Variants in NTN1 observed in about 807,000 individuals in gnomAD.
NTN1 encodes the protein netrin 1, also known as netrin-1.
A neutral mutation model predicts 54.2 loss-of-function variants in NTN1; 11 were observed. That is an observed-to-expected ratio of 0.20 (90% CI 0.13 to 0.34). The LOEUF (loss-of-function observed/expected upper bound fraction) is 0.34. Ranked by LOEUF, NTN1 falls within the 10% of genes least tolerant of loss-of-function variation. The pLI, the probability that NTN1 is intolerant of heterozygous loss-of-function variation, is 1.00. For missense variants in NTN1, 740 were observed against 893.1 expected, an observed-to-expected ratio of 0.83 and a Z score of 2.18; for synonymous variants, 371 against 382.0, an observed-to-expected ratio of 0.97 and a Z score of 0.33.
chr17:9,065,974 C>T (rs62069326), intron 2 of NTN1, among the ~76,000 whole-genome samples: 31,791 of 151,992 alleles, frequency 0.21, 4,258 homozygotes, highest in East Asian at 0.46. Context: ...CATATGTGTC[C>T]GGAGAAAATA....
chr17:9,142,441 G>A (rs891387880), intron 2 of NTN1, among the ~76,000 whole-genome samples: 1 of 152,048 alleles, frequency 6.6e-6, no homozygotes, highest in African/African-American at 2.4e-5. Context: ...CCTTCACCAG[G>A]AGGCTCAGGC....
chr17:9,179,499 T>C (rs2092411616), intron 3 of NTN1, among the ~76,000 whole-genome samples: 1 of 152,254 alleles, frequency 6.6e-6, no homozygotes, highest in Non-Finnish European at 1.5e-5. Context: ...CTACGGGCTC[T>C]GCCTTCCCGA....
intron 2 of NTN1, among the ~76,000 whole-genome samples, chr17:9,073,241 G>A (rs138151417): frequency 1.1e-4 from 16 of 152,108 alleles, no homozygotes; most frequent in African/African-American, 3.6e-4. Flanking sequence ...TCTCCTGAGC[G>A]CCGAGACTTG....
intron 2 of NTN1, among the ~76,000 whole-genome samples, chr17:9,161,755 G>A (rs913184592): frequency 6.6e-6 from 1 of 152,214 alleles, no homozygotes; most frequent in Non-Finnish European, 1.5e-5. Context: ...TCCAGCCTGG[G>A]CGACAGAGAA....
Position 9,239,626 on chromosome 17 carries a change from G to T in NTN1, c.1487-14G>T, listed in dbSNP as rs752126867. 1.3e-6 allele frequency: 2 copies of T among 1,599,888 alleles called. No individual in the cohort carries two copies. The highest frequency in any genetic ancestry group is 4.5e-5 in the East Asian group (2 of 44,474). On this transcript the variant is annotated splice_polypyrimidine_tract_variant and intron_variant, in intron 6 of 6. Coordinates refer to ENST00000173229, the MANE Select transcript of NTN1 (RefSeq NM_004822.3). This position sits in a 1 kb window ranked among gnomAD's most constrained non-coding sequence, Gnocchi z 5.2. Reference sequence around the variant, plus strand: ...CAGCTGGGAGCCCACCCGTCTGCCTGTGCTTCCTTGCAGCCGTCCAGATCC... The same window carrying T: ...CAGCTGGGAGCCCACCCGTCTGCCTTTGCTTCCTTGCAGCCGTCCAGATCC...
intron 5 of NTN1, among the ~76,000 whole-genome samples, chr17:9,220,672 G>T (rs1031052938): frequency 3.9e-5 from 6 of 152,034 alleles, no homozygotes; most frequent in African/African-American, 1.4e-4. Flanking sequence ...AACACCAAAG[G>T]GGTTTTTTAA....
intron 5 of NTN1, among the ~76,000 whole-genome samples, chr17:9,210,842 G>A (rs1597540243): frequency 1.4e-5 from 2 of 145,402 alleles, no homozygotes; most frequent in Admixed American, 7.0e-5. Flanking sequence ...GGAGGTGGAG[G>A]TTGCAGTGAG....
intron 2 of NTN1, among the ~76,000 whole-genome samples, chr17:9,107,659 C>A (rs931534700): frequency 1.3e-5 from 2 of 152,160 alleles, no homozygotes; most frequent in East Asian, 3.8e-4. Context: ...TGGTGGTCGG[C>A]AAACCATGGT....
At chr17:9,072,623 G>T (rs1385684955) in intron 2 of NTN1, among the ~76,000 whole-genome samples, 1 of 152,204 alleles carries the variant, frequency 6.6e-6, no homozygotes, top group East Asian at 1.9e-4. Context: ...AGAGGAGGCT[G>T]TCGGGTAACC....
chr17:9,103,711 A>G (rs535681198), intron 2 of NTN1, among the ~76,000 whole-genome samples: 9 of 152,208 alleles, frequency 5.9e-5, no homozygotes, highest in African/African-American at 1.9e-4. Flanking sequence ...CAGCCTTAAA[A>G]TGGTAGGAAA....
chr17:9,068,109 A>C (rs140220894), intron 2 of NTN1, among the ~76,000 whole-genome samples: 1 of 152,288 alleles, frequency 6.6e-6, no homozygotes, highest in Non-Finnish European at 1.5e-5. Context: ...TCATTGGATG[A>C]ATGAATAAAC....
At chr17:9,228,858 G>GAC (rs1905690258) in intron 6 of NTN1, among the ~76,000 whole-genome samples, 1 of 58,538 alleles carries the variant, frequency 1.7e-5, no homozygotes, top group African/African-American at 8.8e-5. Flanking sequence ...GTGTGACTGT[G>GAC]TATGAGAGTG....
chr17:9,231,283 C>T (rs762713868), intron 6 of NTN1, among the ~76,000 whole-genome samples: 40 of 127,016 alleles, frequency 3.1e-4, no homozygotes, highest in Non-Finnish European at 6.3e-4. Flanking sequence ...CTCTGAGATA[C>T]CATGGGGTAC....
At chr17:9,133,586 ATTTT>A (rs544456345) in intron 2 of NTN1, among the ~76,000 whole-genome samples, 8 of 131,044 alleles carry the variant, frequency 6.1e-5, no homozygotes, top group African/African-American at 2.0e-4. Flanking sequence ...TTCTCATTGA[ATTTT>A]TTTTTTTTTT....
At chr17:9,160,310 G>T (rs1040702973) in intron 2 of NTN1, among the ~76,000 whole-genome samples, 3 of 151,964 alleles carry the variant, frequency 2.0e-5, no homozygotes, top group African/African-American at 7.3e-5. Flanking sequence ...TCACCATATT[G>T]GCCAGGCTGG....
At chr17:9,070,333 A>G (rs1363762047) in intron 2 of NTN1, among the ~76,000 whole-genome samples, 1 of 152,158 alleles carries the variant, frequency 6.6e-6, no homozygotes, top group African/African-American at 2.4e-5. Flanking sequence ...GCCACTGGTT[A>G]GGACAACTCA....
chr17:9,206,752 A>G (rs895757326), intron 5 of NTN1, among the ~76,000 whole-genome samples: 6 of 152,210 alleles, frequency 3.9e-5, no homozygotes, highest in East Asian at 3.8e-4. Flanking sequence ...TATTTTCATC[A>G]TAAGGCAGTG....
intron 2 of NTN1, among the ~76,000 whole-genome samples, chr17:9,155,544 T>C (rs896281992): frequency 1.3e-5 from 2 of 152,094 alleles, no homozygotes; most frequent in Non-Finnish European, 2.9e-5. Context: ...TTTCTCCATG[T>C]TGGTCAGGCT....
intron 2 of NTN1, among the ~76,000 whole-genome samples, chr17:9,137,361 C>T (rs891087666): frequency 6.6e-6 from 1 of 152,168 alleles, no homozygotes; most frequent in Non-Finnish European, 1.5e-5. Context: ...ATATTTGATT[C>T]CTGAGGTGTC....
Sources: allele counts gnomAD v4.1 joint callset (sites outside exome capture counted in the v4.1 genomes callset), GRCh38; gene constraint gnomAD v4.1.1; non-coding constraint Gnocchi (gnomAD v3.1); transcripts MANE v1.5; gene names NCBI Gene and HGNC (gene_info 2026-07-23, HGNC 2026-07-21).